Variants in XRN2 observed in about 807,000 individuals in gnomAD.
XRN2 encodes the protein DHM1-like protein.
A neutral mutation model predicts 138.5 loss-of-function variants in XRN2; 44 were observed. The ratio of observed to expected loss-of-function variants is 0.32; its 90% CI spans 0.25 to 0.41. The LOEUF is 0.41. Ranked by LOEUF, XRN2 falls within the 10% of genes least tolerant of loss-of-function variation. The pLI is 1.00. For synonymous variants in XRN2, 354 were observed against 369.4 expected (o/e 0.96, Z 0.48); for missense variants, 937 against 1,169.3 (o/e 0.80, Z 2.90).
chr20:21,315,937 T>C (rs1350178260), intron 1 of XRN2, among the ~76,000 whole-genome samples: 4 of 152,252 alleles, frequency 2.6e-5, no homozygotes, highest in African/African-American at 9.6e-5. Context: ...ACTTTCTTGA[T>C]GGTGTCCTTT....
At chr20:21,319,742 A>C (rs1339123227) in intron 1 of XRN2, among the ~76,000 whole-genome samples, 1 of 152,098 alleles carries the variant, frequency 6.6e-6, no homozygotes, top group Non-Finnish European at 1.5e-5. Context: ...TATATATATT[A>C]CATATATTGA....
At chr20:21,305,119 G>A (rs529436448) in intron 1 of XRN2, among the ~76,000 whole-genome samples, 2 of 152,226 alleles carry the variant, frequency 1.3e-5, no homozygotes, top group South Asian at 2.1e-4. Flanking sequence ...CCTTCTTGGG[G>A]TCTTATTTAT....
chr20:21,348,284 T>G (rs370259357), intron 18 of XRN2, 31 bp downstream of exon 18: 7 of 1,611,948 alleles, frequency 4.3e-6, no homozygotes, highest in Non-Finnish European at 5.9e-6. Context: ...TCATAAAGTT[T>G]ATAGAATTCT....
rs567150732 is a variant in XRN2 at position 21,345,632 on chromosome 20, TAAAAA to T, written c.1530-779_1530-775del. Among the ~76,000 whole-genome samples the T allele has an allele frequency of 1.5e-3, 232 of 152,120 alleles. 1 individual carries two copies. Among genetic ancestry groups the T allele is most frequent in the Admixed American group, 5.0e-3 (76 of 15,260 alleles). On this transcript the variant is annotated intron_variant, in intron 16 of 29. Coordinates refer to ENST00000377191, the MANE Select transcript of XRN2 (RefSeq NM_012255.5). ...TCTTAGAGAATAAGAAATGGATTCT[TAAAAA>T]AAATAATACATTGGATGAAAATGTG...
intron 15 of XRN2, among the ~76,000 whole-genome samples, chr20:21,342,889 C>A (rs761668252): frequency 6.6e-6 from 1 of 152,052 alleles, no homozygotes; most frequent in African/African-American, 2.4e-5. Context: ...ATACCTGCCT[C>A]GTTTTCCAAG....
chr20:21,366,203 T>C (rs1307224090), intron 26 of XRN2, among the ~76,000 whole-genome samples: 2 of 131,398 alleles, frequency 1.5e-5, no homozygotes, highest in Non-Finnish European at 3.1e-5. Flanking sequence ...TTATAGTTTA[T>C]ATATATAATA....
intron 1 of XRN2, among the ~76,000 whole-genome samples, chr20:21,311,636 C>T (rs891166255): frequency 1.3e-5 from 2 of 152,136 alleles, no homozygotes; most frequent in African/African-American, 4.8e-5. Context: ...TGAGGAACCA[C>T]CAAACTGTTT....
chr20:21,364,986 T>C (rs2038678245), intron 24 of XRN2, among the ~76,000 whole-genome samples: 1 of 152,234 alleles, frequency 6.6e-6, no homozygotes, highest in South Asian at 2.1e-4. Context: ...TTTTTGATTT[T>C]GCAAATATTT....
intron 28 of XRN2, 51 bp from the exon 29 acceptor site, chr20:21,386,817 G>C: frequency 1.9e-6 from 3 of 1,573,636 alleles, no homozygotes; most frequent in Non-Finnish European, 1.7e-6. Context: ...TTTAGGCTTT[G>C]TGCTGTATAA....
intron 28 of XRN2, among the ~76,000 whole-genome samples, chr20:21,383,484 A>G (rs2038907429): frequency 1.3e-5 from 2 of 152,198 alleles, no homozygotes; most frequent in Admixed American, 6.5e-5. Context: ...CATTTTTGCA[A>G]ATGAAGAAAG....
intron 27 of XRN2, among the ~76,000 whole-genome samples, chr20:21,380,838 GC>G: frequency 6.6e-6 from 1 of 152,292 alleles, no homozygotes; most frequent in South Asian, 2.1e-4. Context: ...GCAGATGGCT[GC>G]CCTCCTTCAG....
intron 27 of XRN2, among the ~76,000 whole-genome samples, chr20:21,380,246 A>G (rs912153458): frequency 9.2e-5 from 14 of 152,200 alleles, no homozygotes; most frequent in African/African-American, 3.4e-4. Context: ...GGGCACTAAA[A>G]TGAAATACTT....
At chr20:21,381,957 T>G (rs753395032) in intron 27 of XRN2, 37 bp from the exon 28 acceptor site, 1 of 1,564,976 alleles carries the variant, frequency 6.4e-7, no homozygotes, top group Admixed American at 2.0e-5. Context: ...TGGTTACTTT[T>G]AAAAATCTTC....
At chr20:21,320,295 G>GTATTTATTTATTTATTTATTTATT (rs1464861300) in intron 1 of XRN2, among the ~76,000 whole-genome samples, 1 of 148,120 alleles carries the variant, frequency 6.8e-6, no homozygotes, top group Non-Finnish European at 1.5e-5. Context: ...ATTTATTTAT[G>GTATTTATTTATTTATTTATTTATT]TATTTATTTA....
At chr20:21,348,802 C>T (rs1006636410) in intron 19 of XRN2, among the ~76,000 whole-genome samples, 19 of 152,058 alleles carry the variant, frequency 1.2e-4, no homozygotes, top group Non-Finnish European at 8.8e-5. Context: ...CGCCACCACG[C>T]CCAGCTAATT....
chr20:21,318,703 A>G (rs1276755085), intron 1 of XRN2, among the ~76,000 whole-genome samples: 1 of 151,962 alleles, frequency 6.6e-6, no homozygotes, highest in Non-Finnish European at 1.5e-5. Flanking sequence ...ATTTCTTCCT[A>G]GATCCCTTGG....
In XRN2 at chr20:21,321,847, T is replaced by C. The variant is rs557735231; in HGVS notation, c.76-4432T>C. Among the ~76,000 whole-genome samples, 3 of 152,350 alleles carry C rather than the reference T, an allele frequency of 2.0e-5. No homozygotes were observed. In the East Asian group the frequency reaches 5.8e-4, roughly 29 times the overall value. On this transcript the variant is annotated intron_variant, in intron 1 of 29. Coordinates refer to ENST00000377191, the MANE Select transcript of XRN2 (RefSeq NM_012255.5). ...AGCTCTTCATGCTGTCATGTTAGAA[T>C]AAAATCTTCTGATAAGACTTTATTT...
chr20:21,340,918 T>C, intron 15 of XRN2, 66 bp downstream of exon 15: 2 of 1,546,058 alleles, frequency 1.3e-6, no homozygotes, highest in South Asian at 1.2e-5. Context: ...GCAGGGGTGG[T>C]GTGTGTGTGA....
intron 1 of XRN2, among the ~76,000 whole-genome samples, chr20:21,305,317 G>T (rs1568562433): frequency 6.6e-6 from 1 of 152,148 alleles, no homozygotes; most frequent in Admixed American, 6.5e-5. Flanking sequence ...GAGTACGGTG[G>T]CATGATCTCG....
Sources: allele counts gnomAD v4.1 joint callset (sites outside exome capture counted in the v4.1 genomes callset), GRCh38; gene constraint gnomAD v4.1.1; transcripts MANE v1.5; gene names NCBI Gene and HGNC (gene_info 2026-07-23, HGNC 2026-07-21).